Variants in POLR1E observed in about 807,000 individuals in gnomAD.
POLR1E encodes RNA polymerase I subunit E.
In POLR1E, 37 loss-of-function variants were observed where a neutral mutation model predicts 50.9. That is an observed-to-expected ratio of 0.73 (90% CI 0.56 to 0.96). POLR1E has a LOEUF of 0.96. POLR1E is among the 40% of genes least tolerant of loss of function. The pLI, the probability that POLR1E is intolerant of heterozygous loss-of-function variation, is 0.00. For missense variants in POLR1E, 426 were observed against 518.1 expected, an observed-to-expected ratio of 0.82 and a Z score of 1.73; for synonymous variants, 166 against 191.6, an observed-to-expected ratio of 0.87 and a Z score of 1.10.
intron 4 of POLR1E, among the ~76,000 whole-genome samples, 167 bp downstream of exon 4, chr9:37,489,567 C>CTGTTTTT (rs1289661801): frequency 2.0e-5 from 3 of 151,790 alleles, no homozygotes; most frequent in South Asian, 4.2e-4. Context: ...TATATACACA[C>CTGTTTTT]TGTTTTTTGT....
In POLR1E at chr9:37,486,783, A is replaced by G. The variant is rs774516578; in HGVS notation, c.157A>G (p.Arg53Gly). The G allele has an allele frequency of 1.9e-5, 30 of 1,612,894 alleles. No homozygotes were observed. Among genetic ancestry groups the G allele is most frequent in the Middle Eastern group, 1.6e-4 (1 of 6,084 alleles). Reference sequence around the variant, plus strand: ...TGAGAACAAAGATTCCACCAACCCCAGGAAGAGGAATCAACGGATCCTGGT... The same window carrying G: ...TGAGAACAAAGATTCCACCAACCCCGGGAAGAGGAATCAACGGATCCTGGT... The part of the protein sequence containing the change: ...LYENKDSTNP[R>G]KRNQRILAAE... The change falls in exon 2 of 12, where the codon AGG becomes GGG. Residue 53 changes from arginine (R) to glycine (G), a missense_variant. Physicochemically the swap from Arg to Gly is moderately radical, Grantham distance 125. Transcript: ENST00000377798.
rs1057511851 is a variant in POLR1E, at chr9:37,503,475, G to T, written c.*273G>T. On this transcript the variant is annotated 3_prime_UTR_variant, in exon 12 of 12. Coordinates refer to ENST00000377798, the MANE Select transcript of POLR1E (RefSeq NM_022490.4). ...CGCCTGTAATCCCAGCTACTCGGGA[G>T]GCTGAGGCAGGACGATTACTTGAGC... 11 of 263,348 alleles carry T rather than the reference G, an allele frequency of 4.2e-5. No homozygotes were observed. In the South Asian group the frequency reaches 1.3e-3, roughly 31 times the overall value. 16.3% of individuals were successfully genotyped at this position (263,348 alleles called of 1,614,324 possible). A position where few individuals can be genotyped will look rare whatever the true frequency, so the allele number is the denominator to read the frequency against.
chr9:37,501,483 C>T lies in POLR1E; in HGVS notation c.969-230C>T, dbSNP rs113820127. On this transcript the variant is annotated intron_variant, in intron 10 of 11. Transcript: ENST00000377798. ...AGCAGTGCCCAGGTAGAGTGTAGGCCCAGCTTTCTCTATCTGCCTCAGAGG... is the reference window on the plus strand; with the variant it reads ...AGCAGTGCCCAGGTAGAGTGTAGGCTCAGCTTTCTCTATCTGCCTCAGAGG... Among the ~76,000 whole-genome samples the T allele has an allele frequency of 6.0e-3, 913 of 152,328 alleles. 8 individuals carry two copies. The highest frequency in any genetic ancestry group is 0.021 in the African/African-American group (874 of 41,566).
intron 7 of POLR1E, 99 bp downstream of exon 7, chr9:37,495,375 A>T: frequency 2.0e-6 from 2 of 998,696 alleles, no homozygotes; most frequent in Non-Finnish European, 3.2e-6. Context: ...GTTCTGTGAC[A>T]TTCACAAGAG....
intron 4 of POLR1E, chr9:37,492,189 G>A (rs1470499692): frequency 3.5e-6 from 4 of 1,149,596 alleles, no homozygotes; most frequent in Non-Finnish European, 4.6e-6. Flanking sequence ...GTACTGTTGT[G>A]TACTAAGTTA....
At chr9:37,502,813 C>G (rs1197124022) in intron 11 of POLR1E, among the ~76,000 whole-genome samples, 1 of 152,206 alleles carries the variant, frequency 6.6e-6, no homozygotes, top group Non-Finnish European at 1.5e-5. Flanking sequence ...GGTTTTTCAT[C>G]ACCCATATGG....
At chr9:37,495,078 C>T in intron 6 of POLR1E, 91 bp from the exon 7 acceptor site, 1 of 1,086,054 alleles carries the variant, frequency 9.2e-7, no homozygotes, top group African/African-American at 1.6e-5. Flanking sequence ...GGTTTCTGGA[C>T]CATTGGTGGT....
chr9:37,501,876 G>A (rs370830595), intron 11 of POLR1E, 32 bp downstream of exon 11: 1 of 1,598,474 alleles, frequency 6.3e-7, no homozygotes, highest in Non-Finnish European at 8.5e-7. Flanking sequence ...GCTCCCTGCA[G>A]GGTGTCTCGA....
intron 11 of POLR1E, among the ~76,000 whole-genome samples, chr9:37,502,813 C>T (rs1197124022): frequency 6.6e-6 from 1 of 152,206 alleles, no homozygotes; most frequent in Non-Finnish European, 1.5e-5. Flanking sequence ...GGTTTTTCAT[C>T]ACCCATATGG....
intron 3 of POLR1E, 65 bp downstream of exon 3, chr9:37,488,004 T>G: frequency 6.7e-7 from 1 of 1,499,098 alleles, no homozygotes; most frequent in Non-Finnish European, 9.3e-7. Context: ...GCACTGGCAC[T>G]GCTGTTTCCT....
chr9:37,496,050 A>C lies in POLR1E; in HGVS notation c.752+64A>C, dbSNP rs113724550. On this transcript the variant is annotated intron_variant, in intron 8 of 11. Coordinates refer to ENST00000377798, the MANE Select transcript of POLR1E (RefSeq NM_022490.4). ...TGTTGGGACCCAACAGTAGTCAGAC[A>C]CTGTGCAGGTCCTCTGGGCGTCAGT... The C allele has an allele frequency of 6.1e-5, 73 of 1,196,966 alleles. No homozygotes were observed. The African/African-American group carries it at 8.3e-4, about 14-fold the overall frequency. The allele number at this position is 1,196,966 out of a possible 1,614,324, so 74.1% of individuals were successfully genotyped here. A position where few individuals can be genotyped will look rare whatever the true frequency, so the allele number is the denominator to read the frequency against.
chr9:37,492,507 T>A (rs1229133477), intron 4 of POLR1E, 150 bp from the exon 5 acceptor site: 3 of 841,122 alleles, frequency 3.6e-6, no homozygotes, highest in African/African-American at 3.4e-5. Flanking sequence ...ATATTAAATA[T>A]TCACAGTATA....
At chr9:37,500,778 A>T in intron 9 of POLR1E, 62 bp from the exon 10 acceptor site, 1 of 1,373,342 alleles carries the variant, frequency 7.3e-7, no homozygotes, top group Non-Finnish European at 1.0e-6. Flanking sequence ...CTCTTAGCTC[A>T]TGGTTGAGGT....
intron 4 of POLR1E, chr9:37,492,227 A>G (rs1333367389): frequency 7.8e-7 from 1 of 1,283,682 alleles, no homozygotes; most frequent in African/African-American, 1.5e-5. Flanking sequence ...TACTTTGTAG[A>G]TGATTGGAGA....
chr9:37,496,626 T>TC (rs1820791262), intron 8 of POLR1E, among the ~76,000 whole-genome samples: 2 of 85,686 alleles, frequency 2.3e-5, no homozygotes, highest in African/African-American at 4.5e-5. Context: ...ATTATTTCTT[T>TC]TTTTTTTTTT....
chr9:37,499,776 T>C (rs1156694776), intron 9 of POLR1E, among the ~76,000 whole-genome samples: 1 of 150,336 alleles, frequency 6.7e-6, no homozygotes, highest in South Asian at 2.1e-4. Context: ...TGATCCACCC[T>C]CCTTGGCCTC....
At chr9:37,489,248 AAG>A in intron 3 of POLR1E, 65 bp from the exon 4 acceptor site, 3 of 1,317,994 alleles carry the variant, frequency 2.3e-6, no homozygotes, top group South Asian at 1.3e-5. Flanking sequence ...AAAAAAAAAA[AAG>A]AAAGCTGTAC....
In POLR1E at chr9:37,503,063, C is replaced by A; in HGVS notation, c.1121C>A (p.Ala374Asp). 6.2e-7 allele frequency: 1 copy of A among 1,613,138 alleles called. No individual in the cohort carries two copies. The change falls in exon 12 of 12, where the codon GCC (alanine) becomes GAC (aspartate). Residue 374 changes from alanine to aspartate, a missense_variant. Transcript: ENST00000377798. The part of the protein sequence containing the change: ...SEKRMMEIAK[A>D]MRLKISKRRV... ...CTTAGGATGATGGAGATAGCCAAAGCCATGAGGCTGAAGATCTCCAAAAGA... is the reference window on the plus strand; with the variant it reads ...CTTAGGATGATGGAGATAGCCAAAGACATGAGGCTGAAGATCTCCAAAAGA...
chr9:37,486,931 T>G lies in POLR1E; in HGVS notation c.180+125T>G, dbSNP rs150283773. 5 of 1,127,708 alleles carry G rather than the reference T, an allele frequency of 4.4e-6. No homozygotes were observed. The African/African-American group carries it at 7.8e-5, about 18-fold the overall frequency. The allele number at this position is 1,127,708 out of a possible 1,614,324, so 69.9% of individuals were successfully genotyped here. A position where few individuals can be genotyped will look rare whatever the true frequency, so the allele number is the denominator to read the frequency against. ...AGTAGCAAATGGAGCTTTGAAGAAC[T>G]CTGATGCCCAGCAGCCTGGGATGTG... On this transcript the variant is annotated intron_variant, in intron 2 of 11. Transcript: ENST00000377798.
Sources: allele counts gnomAD v4.1 joint callset (sites outside exome capture counted in the v4.1 genomes callset), GRCh38; gene constraint gnomAD v4.1.1; transcripts MANE v1.5; gene names NCBI Gene and HGNC (gene_info 2026-07-23, HGNC 2026-07-21).